LURAP1L: variants seen among roughly 807,000 people sequenced by gnomAD.
LURAP1L encodes leucine rich adaptor protein 1-like.
Under a neutral mutation model 13.8 loss-of-function variants are expected in LURAP1L, and 12 were observed. The ratio of observed to expected loss-of-function variants is 0.87; its 90% CI spans 0.56 to 1.41. The LOEUF is 1.41. LURAP1L is among the 40% of genes most tolerant of loss of function. LURAP1L has a pLI of 0.00. For synonymous variants in LURAP1L, 139 were observed against 119.2 expected, an observed-to-expected ratio of 1.17 and a Z score of -1.08; for missense variants, 375 against 292.9, an observed-to-expected ratio of 1.28 and a Z score of -2.04.
At chr9:12,801,580 T>G (rs932852073) in intron 1 of LURAP1L, among the ~76,000 whole-genome samples, 1 of 152,170 alleles carries the variant, frequency 6.6e-6, no homozygotes, top group Non-Finnish European at 1.5e-5. Flanking sequence ...AAAGAAAATA[T>G]TGCTTTAAAA....
In LURAP1L at chr9:12,821,189, T is replaced by C. The variant is rs529188177; in HGVS notation, c.313-197T>C. 9.2e-4 allele frequency among the ~76,000 whole-genome samples: 140 copies of C among 152,312 alleles called. 1 individual carries two copies. The highest frequency in any genetic ancestry group is 1.8e-3 in the Non-Finnish European group (125 of 68,026). ...TGTGCCTTTTGGAGCCTGATGCATC[T>C]GGCAGGAAGTGAGTTTTTTTTATTA... On this transcript the variant is annotated intron_variant, in intron 1 of 1. Transcript: ENST00000319264.
chr9:12,777,610 T>A (rs1819207693), intron 1 of LURAP1L: 3 of 956,040 alleles, frequency 3.1e-6, no homozygotes, highest in Non-Finnish European at 3.7e-6. Context: ...TGATAGCACA[T>A]CAAAGATAAT....
intron 1 of LURAP1L, among the ~76,000 whole-genome samples, chr9:12,809,844 C>T (rs139718636): frequency 2.6e-4 from 39 of 152,322 alleles, no homozygotes; most frequent in African/African-American, 8.9e-4. Context: ...CTTTTGTCTA[C>T]TCTATTGTCT....
intron 1 of LURAP1L, among the ~76,000 whole-genome samples, chr9:12,784,154 T>C (rs1819316024): frequency 1.3e-5 from 2 of 152,220 alleles, no homozygotes; most frequent in Non-Finnish European, 2.9e-5. Flanking sequence ...GTTATCTGTC[T>C]GAGAGGTCAC....
intron 1 of LURAP1L, among the ~76,000 whole-genome samples, chr9:12,789,089 C>G (rs1223010272): frequency 7.5e-6 from 1 of 133,418 alleles, no homozygotes; most frequent in Non-Finnish European, 1.5e-5. Context: ...CAGCACCCCC[C>G]CAAAAAAAAA....
chr9:12,777,912 T>G (rs755606672), intron 1 of LURAP1L, among the ~76,000 whole-genome samples: 1 of 152,196 alleles, frequency 6.6e-6, no homozygotes, highest in Non-Finnish European at 1.5e-5. Flanking sequence ...CAATTAGTTT[T>G]TTTTTATAGG....
At chr9:12,817,063 G>C (rs1164796831) in intron 1 of LURAP1L, among the ~76,000 whole-genome samples, 1 of 152,138 alleles carries the variant, frequency 6.6e-6, no homozygotes, top group Non-Finnish European at 1.5e-5. Context: ...ACACCTTGAA[G>C]TCCACTTCCT....
At chr9:12,784,968 G>A (rs1043607151) in intron 1 of LURAP1L, among the ~76,000 whole-genome samples, 1 of 151,626 alleles carries the variant, frequency 6.6e-6, no homozygotes, top group Non-Finnish European at 1.5e-5. Flanking sequence ...ATTTCCTCAA[G>A]CAGAAGGAGT....
At chr9:12,811,493 G>A (rs1790724736) in intron 1 of LURAP1L, among the ~76,000 whole-genome samples, 1 of 152,194 alleles carries the variant, frequency 6.6e-6, no homozygotes. Context: ...TCCTGTAGAT[G>A]CGAATGGCTC....
chr9:12,806,195 A>G (rs939463930), intron 1 of LURAP1L, among the ~76,000 whole-genome samples: 2 of 152,156 alleles, frequency 1.3e-5, no homozygotes, highest in Admixed American at 6.5e-5. Flanking sequence ...TCAAAGATTG[A>G]TTTAGCTTAT....
chr9:12,791,082 G>C (rs1586878418), intron 1 of LURAP1L, among the ~76,000 whole-genome samples: 2 of 152,062 alleles, frequency 1.3e-5, no homozygotes, highest in East Asian at 1.9e-4. Flanking sequence ...TGGGCACATT[G>C]TCCCTGAGGT....
chr9:12,806,565 C>T (rs1586884366), intron 1 of LURAP1L, among the ~76,000 whole-genome samples: 1 of 152,088 alleles, frequency 6.6e-6, no homozygotes, highest in Middle Eastern at 3.4e-3. Context: ...TCCATTTTAT[C>T]ATGGAAGAGA....
intron 1 of LURAP1L, among the ~76,000 whole-genome samples, chr9:12,792,231 C>A (rs62538760): frequency 0.034 from 5,245 of 152,162 alleles, 134 homozygotes; most frequent in East Asian, 0.077. Flanking sequence ...AGTAACAAAA[C>A]AATTGCCTTG....
intron 1 of LURAP1L, 151 bp downstream of exon 1, chr9:12,776,178 GGCGCTCATCCGGAGGCA>G (rs951335773): frequency 8.6e-6 from 7 of 813,870 alleles, no homozygotes; most frequent in Non-Finnish European, 1.4e-5. Flanking sequence ...ATGAGCAGGG[GGCGCTCATCCGGAGGCA>G]GCTGCTGCGA....
At chr9:12,820,499 T>TCCCGCC (rs1819859921) in intron 1 of LURAP1L, among the ~76,000 whole-genome samples, 1 of 14,696 alleles carries the variant, frequency 6.8e-5, no homozygotes, top group Non-Finnish European at 1.8e-4. Flanking sequence ...CGAGACTCCG[T>TCCCGCC]CCCCCCCCCC....
At chr9:12,783,068 A>G (rs1819294620) in intron 1 of LURAP1L, among the ~76,000 whole-genome samples, 1 of 151,960 alleles carries the variant, frequency 6.6e-6, no homozygotes, top group African/African-American at 2.4e-5. Flanking sequence ...TTTGTATCCT[A>G]CAACTTTACT....
intron 1 of LURAP1L, among the ~76,000 whole-genome samples, chr9:12,817,708 C>T (rs1027601981): frequency 8.5e-5 from 13 of 152,176 alleles, no homozygotes; most frequent in African/African-American, 2.7e-4. Context: ...CAAGGCTACT[C>T]TATTTTTAAT....
intron 1 of LURAP1L, among the ~76,000 whole-genome samples, chr9:12,820,510 C>G (rs1184102000): frequency 2.3e-5 from 2 of 87,718 alleles, no homozygotes; most frequent in African/African-American, 7.8e-5. Context: ...CCCCCCCCCC[C>G]CCCCAAAAAA....
intron 1 of LURAP1L, among the ~76,000 whole-genome samples, chr9:12,798,967 G>C (rs890133189): frequency 6.6e-6 from 1 of 152,056 alleles, no homozygotes; most frequent in African/African-American, 2.4e-5. Context: ...TTGTAGAATT[G>C]CTTCTTTCTT....
Sources: allele counts gnomAD v4.1 joint callset (sites outside exome capture counted in the v4.1 genomes callset), GRCh38; gene constraint gnomAD v4.1.1; transcripts MANE v1.5; gene names NCBI Gene and HGNC (gene_info 2026-07-23, HGNC 2026-07-21).